Variants in PLEKHB2 observed in about 807,000 individuals in gnomAD.
PLEKHB2 encodes pleckstrin homology domain containing B2, also known as pleckstrin homology domain-containing family B member 2.
In PLEKHB2, 31 loss-of-function variants were observed where a neutral mutation model predicts 36.5. The ratio of observed to expected loss-of-function variants is 0.85; its 90% CI spans 0.64 to 1.15. The LOEUF is 1.15. PLEKHB2 is among the 50% of genes most tolerant of loss of function. The probability of loss-of-function intolerance (pLI) is 0.00; values close to 1 mark genes in which losing one functional copy is unlikely to be tolerated. For synonymous variants in PLEKHB2, 119 were observed against 112.0 expected (o/e 1.06, Z -0.39); for missense variants, 262 against 295.3 (o/e 0.89, Z 0.83).
Position 131,123,786 on chromosome 2 carries a change from C to G in PLEKHB2, c.38-1967C>G, listed in dbSNP as rs1259332914. On this transcript the variant is annotated intron_variant, in intron 2 of 7. Transcript: ENST00000693505. ...GGTCCACCCCCCCCACCCCCCCCCC[C>G]GCCCCCCGCCCTCGGCCTCCCAAAG... 1.3e-4 allele frequency among the ~76,000 whole-genome samples: 14 copies of G among 107,924 alleles called. No homozygotes were observed. In the South Asian group the frequency reaches 4.8e-3, roughly 37 times the overall value. The allele number at this position is 107,924 out of a possible 152,430, so 70.8% of individuals were successfully genotyped here.
At chr2:131,112,636 T>C (rs549863434) in intron 1 of PLEKHB2, among the ~76,000 whole-genome samples, 2 of 152,298 alleles carry the variant, frequency 1.3e-5, no homozygotes, top group African/African-American at 4.8e-5. Context: ...GTTTCTAAGT[T>C]GAACATAAAC....
intron 6 of PLEKHB2, among the ~76,000 whole-genome samples, chr2:131,133,315 C>T (rs1385643091): frequency 6.6e-6 from 1 of 152,054 alleles, no homozygotes; most frequent in Middle Eastern, 3.4e-3. Context: ...TCCTTATAGT[C>T]AGAAAAAAAT....
At chr2:131,115,222 G>A (rs1420803677) in intron 1 of PLEKHB2, among the ~76,000 whole-genome samples, 1 of 152,088 alleles carries the variant, frequency 6.6e-6, no homozygotes, top group Non-Finnish European at 1.5e-5. Context: ...CAGTATGGGG[G>A]AAACTGTCCC....
At chr2:131,120,755 G>A in intron 1 of PLEKHB2, 179 bp from the exon 2 acceptor site, 2 of 689,090 alleles carry the variant, frequency 2.9e-6, no homozygotes, top group African/African-American at 1.8e-5. Flanking sequence ...GGGGTACAGA[G>A]TGCGGGGCAC....
Position 131,147,733 on chromosome 2 carries a change from G to C in PLEKHB2, c.*960G>C, listed in dbSNP as rs1699399626. On this transcript the variant is annotated 3_prime_UTR_variant, in exon 8 of 8. Transcript: ENST00000693505. ...GAATAGTGTGAACCCAGGAGGCGGA[G>C]CTTGCAGTGAGCCAAGATAGTGCCA... 6.6e-6 allele frequency: 1 copy of C among 150,836 alleles called. No homozygotes were observed. The highest frequency in any genetic ancestry group is 6.6e-5 in the Admixed American group (1 of 15,170). 9.3% of individuals were successfully genotyped at this position (150,836 alleles called of 1,614,324 possible).
chr2:131,117,222 G>A (rs1183169014), intron 1 of PLEKHB2, among the ~76,000 whole-genome samples: 2 of 152,072 alleles, frequency 1.3e-5, no homozygotes, highest in Admixed American at 6.6e-5. Flanking sequence ...AAGCTGAGGC[G>A]GGTGGATTGC....
At chr2:131,111,518 C>T (rs1489437603) in intron 1 of PLEKHB2, among the ~76,000 whole-genome samples, 3 of 142,832 alleles carry the variant, frequency 2.1e-5, no homozygotes, top group African/African-American at 7.9e-5. Context: ...GAGATGGAGT[C>T]TCACTCCAGT....
intron 4 of PLEKHB2, among the ~76,000 whole-genome samples, chr2:131,127,537 A>C (rs1407017987): frequency 6.6e-6 from 1 of 152,224 alleles, no homozygotes; most frequent in Admixed American, 6.5e-5. Context: ...GGATTTATAC[A>C]TATCTTTTTC....
chr2:131,122,175 A>G (rs1192560359), intron 2 of PLEKHB2, among the ~76,000 whole-genome samples: 1 of 152,116 alleles, frequency 6.6e-6, no homozygotes, highest in Non-Finnish European at 1.5e-5. Context: ...GATTACAGGC[A>G]AAGTGCTGGG....
At position 131,148,991 on chromosome 2, in the gene PLEKHB2, A is replaced by C. The variant is rs998782749; in HGVS notation, c.*2218A>C. 1 of 151,556 alleles carries C rather than the reference A, an allele frequency of 6.6e-6. No individual in the cohort carries two copies. The highest frequency in any genetic ancestry group is 2.4e-5 in the African/African-American group (1 of 40,850). The allele number at this position is 151,556 out of a possible 1,614,324, so 9.4% of individuals were successfully genotyped here. A position where few individuals can be genotyped will look rare whatever the true frequency, so the allele number is the denominator to read the frequency against. ...GATTTTTGCTGCCAAAATGCTCTTG[A>C]AGCAGATGTCCCTGTGCTCCCCTGG... On this transcript the variant is annotated 3_prime_UTR_variant, in exon 8 of 8. Transcript: ENST00000693505.
At chr2:131,133,296 T>C (rs1346187996) in intron 6 of PLEKHB2, among the ~76,000 whole-genome samples, 2 of 152,198 alleles carry the variant, frequency 1.3e-5, no homozygotes, top group African/African-American at 4.8e-5. Context: ...GAATGAATTA[T>C]TTGAATTCTC....
At chr2:131,127,337 G>A (rs1038106239) in intron 4 of PLEKHB2, among the ~76,000 whole-genome samples, 1 of 152,138 alleles carries the variant, frequency 6.6e-6, no homozygotes, top group Admixed American at 6.5e-5. Context: ...ACATCACTCC[G>A]GTCTCTGCCT....
chr2:131,143,063 C>T (rs963871519), intron 7 of PLEKHB2, among the ~76,000 whole-genome samples: 2 of 152,188 alleles, frequency 1.3e-5, no homozygotes, highest in Admixed American at 6.5e-5. Flanking sequence ...TACATGAGAT[C>T]TTCAACACTT....
chr2:131,127,803 C>T (rs73962914), intron 4 of PLEKHB2, among the ~76,000 whole-genome samples: 1 of 152,168 alleles, frequency 6.6e-6, no homozygotes, highest in Admixed American at 6.5e-5. Context: ...ACCCTGTAAT[C>T]TGGAGTGATG....
rs927488409 is a variant in PLEKHB2 at position 131,146,978 on chromosome 2, C to G, written c.*205C>G. 5.6e-5 allele frequency: 24 copies of G among 424,992 alleles called. No individual in the cohort carries two copies. Among genetic ancestry groups the G allele is most frequent in the African/African-American group, 4.7e-4 (23 of 49,322 alleles). The allele number at this position is 424,992 out of a possible 1,614,324, so 26.3% of individuals were successfully genotyped here. A position where few individuals can be genotyped will look rare whatever the true frequency, so the allele number is the denominator to read the frequency against. ...CTATTTTGTTCAAATGTTGACTCTC[C>G]GGGGGCACTGGCTCATTCCAAGACT... On this transcript the variant is annotated 3_prime_UTR_variant, in exon 8 of 8. Transcript: ENST00000693505.
intron 1 of PLEKHB2, among the ~76,000 whole-genome samples, chr2:131,117,067 A>G (rs1219673464): frequency 6.6e-6 from 1 of 152,042 alleles, no homozygotes; most frequent in Non-Finnish European, 1.5e-5. Flanking sequence ...GGTTGCAGTG[A>G]GCCTAGATAG....
intron 7 of PLEKHB2, among the ~76,000 whole-genome samples, chr2:131,143,301 CGGTTTTTTG>C (rs1698973424): frequency 6.6e-6 from 1 of 152,160 alleles, no homozygotes; most frequent in Non-Finnish European, 1.5e-5. Context: ...ACATTTTTGA[CGGTTTTTTG>C]GGATATGATT....
intron 1 of PLEKHB2, among the ~76,000 whole-genome samples, chr2:131,120,055 G>A (rs1328537558): frequency 6.7e-6 from 1 of 150,132 alleles, no homozygotes; most frequent in Non-Finnish European, 1.5e-5. Flanking sequence ...CGCATCCTCT[G>A]CCTCCTGGGT....
At chr2:131,141,955 TA>T (rs1648759043) in intron 7 of PLEKHB2, among the ~76,000 whole-genome samples, 1 of 152,174 alleles carries the variant, frequency 6.6e-6, no homozygotes, top group African/African-American at 2.4e-5. Flanking sequence ...GTAAAATAAT[TA>T]CCTAGTTATT....
Sources: allele counts gnomAD v4.1 joint callset (sites outside exome capture counted in the v4.1 genomes callset), GRCh38; gene constraint gnomAD v4.1.1; transcripts MANE v1.5; gene names NCBI Gene and HGNC (gene_info 2026-07-23, HGNC 2026-07-21).